The following PLEC variants were observed in gnomAD, a reference collection of about 807,000 sequenced individuals.
The protein encoded by PLEC is plectin.
PLEC carries 216 observed loss-of-function variants against 392.8 expected under a neutral mutation model. The ratio of observed to expected loss-of-function variants is 0.55; its 90% CI spans 0.49 to 0.62. The LOEUF is 0.62. PLEC is among the 20% of genes least tolerant of loss of function. PLEC has a pLI of 0.00. For missense variants in PLEC, 6,863 were observed against 6,563.4 expected (o/e 1.05, Z -1.58); for synonymous variants, 3,621 against 2,980.6 (o/e 1.21, Z -7.00).
rs782170898 is a variant in PLEC, at chr8:143,922,919, T to G, written c.7010A>C (p.Glu2337Ala). The change falls in exon 31 of 32, where the codon GAG becomes GCG. Residue 2337 changes from glutamate to alanine, a missense_variant. Transcript: ENST00000345136. Reference protein sequence around the residue: ...AEAELLQQQKELAQEQARRLQ... With the variant: ...AEAELLQQQKALAQEQARRLQ... ...CCGCCGCGCCTGCTCCTGCGCAAGC[T>G]CCTTCTGCTGCTGCAGCAGTTCCGC... is the stretch of plus-strand genomic sequence containing the variant. The G allele has an allele frequency of 1.2e-6, 2 of 1,600,748 alleles. No homozygotes were observed. The highest frequency in any genetic ancestry group is 1.7e-6 in the Non-Finnish European group (2 of 1,174,164).
Position 143,934,935 on chromosome 8 carries a change from G to T in PLEC, c.826-6C>A, listed in dbSNP as rs782549163. 6.2e-7 allele frequency: 1 copy of T among 1,610,862 alleles called. No individual in the cohort carries two copies. Among genetic ancestry groups the T allele is most frequent in the Non-Finnish European group, 8.5e-7 (1 of 1,179,534 alleles). ...TGCCAGCGCAGCTGCAGCTCCTGCG[G>T]GCAGGCACGGGCGGCTGTCAGGGGT... On this transcript the variant is annotated splice_polypyrimidine_tract_variant and splice_region_variant and intron_variant, in intron 8 of 31. Coordinates refer to ENST00000345136, the MANE Select transcript of PLEC (RefSeq NM_201384.3).
chr8:143,938,556 G>A (rs1197226330), intron 2 of PLEC, 75 bp downstream of exon 2: 2 of 1,562,758 alleles, frequency 1.3e-6, no homozygotes, highest in Admixed American at 1.7e-5. Flanking sequence ...ACAGCCTTGG[G>A]CGGCAGGGGC....
Position 143,918,745 on chromosome 8 carries a change from C to T in PLEC, c.11076G>A (p.Val3692=), listed in dbSNP as rs781798004. 5 of 1,613,054 alleles carry T rather than the reference C, an allele frequency of 3.1e-6. No homozygotes were observed. Among genetic ancestry groups the T allele is most frequent in the Middle Eastern group, 1.6e-4 (1 of 6,062 alleles). Residue 3692 remains valine (V), a synonymous_variant, in exon 32 of 32, where the codon GTG becomes GTA. Transcript: ENST00000345136. The part of the protein sequence containing the change: ...AWCYLYGTGS[V]AGVYLPGSRQ... ...TGGAACCGGGCAGGTAGACACCAGC[C>T]ACGGAGCCCGTGCCATAGAGGTAGC...
upstream of PLEC, chr8:143,958,615 C>T: frequency 2.2e-6 from 1 of 446,378 alleles, no homozygotes; most frequent in Non-Finnish European, 4.5e-6. The surrounding 1 kb of genome is among the most constrained non-coding windows in gnomAD (Gnocchi z 4.9). Flanking sequence ...TGGACAACAG[C>T]AGCCAGTGCT....
At chr8:143,930,601 C>A (rs1826953085) in intron 19 of PLEC, 65 bp from the exon 20 acceptor site, 2 of 1,527,428 alleles carry the variant, frequency 1.3e-6, no homozygotes, top group African/African-American at 2.7e-5. Flanking sequence ...CCAGGCACCC[C>A]CAGACCCCGG....
rs782625640 is a variant in PLEC, at chr8:143,937,189, G to T, written c.318C>A (p.Ala106=). Residue 106 remains alanine, a synonymous_variant, in exon 4 of 32, where the codon GCC becomes GCA. Coordinates refer to ENST00000345136, the MANE Select transcript of PLEC (RefSeq NM_201384.3). The part of the protein sequence containing the change: ...RFHKLQNVQI[A]LDYLRHRQVK... Reference sequence around the variant, plus strand: ...CCTGGCGGTGCCGGAGGTAGTCCAGGGCAATCTGGACATTCTGCAGCTTGT... The same window carrying T: ...CCTGGCGGTGCCGGAGGTAGTCCAGTGCAATCTGGACATTCTGCAGCTTGT... 3 of 1,612,696 alleles carry T rather than the reference G, an allele frequency of 1.9e-6. No individual in the cohort carries two copies. The highest frequency in any genetic ancestry group is 2.5e-6 in the Non-Finnish European group (3 of 1,179,708).
Position 143,918,667 on chromosome 8 carries a change from C to T in PLEC, c.11154G>A (p.Glu3718=), listed in dbSNP as rs782703631. Residue 3718 remains glutamate (E), a synonymous_variant, in exon 32 of 32, where the codon GAG becomes GAA. Transcript: ENST00000345136. The part of the protein sequence containing the change: ...QALKKGLLSA[E]VARLLLEAQA... Reference sequence around the variant, plus strand: ...GTGCCTCCAGCAGCAGGCGGGCCACCTCGGCACTCAGCAGCCCTTTCTTGA... The same window carrying T: ...GTGCCTCCAGCAGCAGGCGGGCCACTTCGGCACTCAGCAGCCCTTTCTTGA... 2.5e-6 allele frequency: 4 copies of T among 1,612,888 alleles called. No homozygotes were observed. In the South Asian group the frequency reaches 3.3e-5, roughly 13 times the overall value.
At chr8:143,971,828 A>G (rs1833446164) in intron 1 of PLEC, among the ~76,000 whole-genome samples, 1 of 145,064 alleles carries the variant, frequency 6.9e-6, no homozygotes, top group Non-Finnish European at 1.5e-5. Flanking sequence ...CACCAAGCCC[A>G]GAAGGCAGAC....
upstream of PLEC, chr8:143,950,897 G>A (rs902940376): frequency 1.3e-5 from 16 of 1,219,334 alleles, no homozygotes; most frequent in Admixed American, 1.7e-4. Context: ...GGCTCGTGGC[G>A]CCTGGCTCCG....
rs1554711258 is a variant in PLEC at position 143,929,551 on chromosome 8, A to T, written c.2944T>A (p.Cys982Ser). ...TTGAGCTCGGAGATGCAGCGCTGGC[A>T]GCGAGACTCTTCCTGTGCACCTGGG... The part of the protein sequence containing the change: ...LEQGAQEESR[C>S]QRCISELKDI... Residue 982 changes from cysteine (C) to serine (S), a missense_variant, in exon 24 of 32, where the codon TGC becomes AGC. Cys to Ser is a moderately radical substitution (Grantham distance 112). Coordinates refer to ENST00000345136, the MANE Select transcript of PLEC (RefSeq NM_201384.3). The T allele has an allele frequency of 6.2e-7, 1 of 1,612,622 alleles. No homozygotes were observed. Among genetic ancestry groups the T allele is most frequent in the Admixed American group, 1.7e-5 (1 of 60,026 alleles).
At chr8:143,940,954 C>T (rs1554728308), upstream of PLEC, among the ~76,000 whole-genome samples, 3 of 152,200 alleles carry the variant, frequency 2.0e-5, no homozygotes, top group African/African-American at 4.8e-5. Flanking sequence ...TCTGCCTGTC[C>T]GGCCCAGCAG....
rs1321499198 is a variant in PLEC, at chr8:143,925,429, C to G, written c.4500G>C (p.Arg1500=). The G allele has an allele frequency of 1.3e-6, 2 of 1,594,922 alleles. No homozygotes were observed. The highest frequency in any genetic ancestry group is 2.7e-5 in the African/African-American group (2 of 74,818). ...RQAQEEAERL[R]RQVQDESQRK... ...GCTGGCTCTCGTCCTGCACCTGCCT[C>G]CGCAAGCGCTCGGCCTCCTCCTGCG... The change falls in exon 31 of 32, where the codon CGG becomes CGC. Residue 1500 remains arginine, a synonymous_variant. Coordinates refer to ENST00000345136, the MANE Select transcript of PLEC (RefSeq NM_201384.3).
rs370135715 is a variant in PLEC at position 143,917,131 on chromosome 8, G to A, written c.12690C>T (p.Thr4230=). 165 of 1,604,410 alleles carry A rather than the reference G, an allele frequency of 1.0e-4. No homozygotes were observed. The highest frequency in any genetic ancestry group is 1.6e-4 in the East Asian group (7 of 44,584). The change falls in exon 32 of 32, where the codon ACC becomes ACT. Residue 4230 remains threonine (T), a synonymous_variant. Coordinates refer to ENST00000345136, the MANE Select transcript of PLEC (RefSeq NM_201384.3). ...TGCCCGAGAGCATGTCGGCGAACTC[G>A]GTGATGGAGAGCGTGCCGGCGCGGT... ...DQYRAGTLSI[T]EFADMLSGNA...
In PLEC at chr8:143,923,849, C is replaced by A. The variant is rs782194846; in HGVS notation, c.6080G>T (p.Arg2027Leu). Residue 2027 changes from arginine to leucine, a missense_variant, in exon 31 of 32, where the codon CGA (arginine) becomes CTA (leucine). Transcript: ENST00000345136. ...CTGCCGCGCCGACTCCTGCTCCGCT[C>A]GCTCCCGCAGGCGCCGCGCCTCCTC... ...KVEEARRLRERAEQESARQLQ... is the reference protein window; with the variant it reads ...KVEEARRLRELAEQESARQLQ... The A allele has an allele frequency of 3.0e-5, 48 of 1,588,972 alleles. No homozygotes were observed. The highest frequency in any genetic ancestry group is 3.8e-5 in the Non-Finnish European group (45 of 1,175,590).
Position 143,924,135 on chromosome 8 carries a change from C to A in PLEC, c.5794G>T (p.Ala1932Ser). ...CCAGCGGCCGCCTTCTCGAAGCTCG[C>A]CTTCAGCGCCAGGATCTCCTCCTCC... ...QVEEEILALK[A>S]SFEKAAAGKA... The change falls in exon 31 of 32, where the codon GCG (alanine) becomes TCG (serine). Residue 1932 changes from alanine to serine, a missense_variant. Transcript: ENST00000345136. The A allele has an allele frequency of 1.3e-6, 2 of 1,598,934 alleles. No homozygotes were observed. Among genetic ancestry groups the A allele is most frequent in the Non-Finnish European group, 1.7e-6 (2 of 1,179,494 alleles).
chr8:143,918,684 C>T lies in PLEC; in HGVS notation c.11137G>A (p.Gly3713Arg), dbSNP rs202037264. Residue 3713 changes from glycine (G) to arginine (R), a missense_variant, in exon 32 of 32, where the codon GGG becomes AGG. Coordinates refer to ENST00000345136, the MANE Select transcript of PLEC (RefSeq NM_201384.3). ...CGGGCCACCTCGGCACTCAGCAGCC[C>T]TTTCTTGAGAGCCTGGTAGATGCTC... ...TLSIYQALKK[G>R]LLSAEVARLL... is the part of the protein sequence containing the mutation. 103 of 1,612,958 alleles carry T rather than the reference C, an allele frequency of 6.4e-5. No homozygotes were observed. The Admixed American group carries it at 9.7e-4, about 15-fold the overall frequency.
rs201221940 is a variant in PLEC, at chr8:143,917,577, C to T, written c.12244G>A (p.Asp4082Asn). ...AAGCCCTTGGTGTCGTCCGAGGGGT[C>T]GGTCAGGATCTCGTTCATCTCCTCA... Reference protein sequence around the residue: ...FDEEMNEILTDPSDDTKGFFD... With the variant: ...FDEEMNEILTNPSDDTKGFFD... Residue 4082 changes from aspartate (D) to asparagine (N), a missense_variant, in exon 32 of 32, where the codon GAC becomes AAC. By Grantham distance (23) the Asp-to-Asn change is conservative. Coordinates refer to ENST00000345136, the MANE Select transcript of PLEC (RefSeq NM_201384.3). The T allele has an allele frequency of 2.4e-5, 38 of 1,613,802 alleles. No individual in the cohort carries two copies. Among genetic ancestry groups the T allele is most frequent in the Middle Eastern group, 1.6e-4 (1 of 6,084 alleles).
chr8:143,929,524 C>T lies in PLEC; in HGVS notation c.2971G>A (p.Asp991Asn). Residue 991 changes from aspartate (D) to asparagine (N), a missense_variant, in exon 24 of 32, where the codon GAC becomes AAC. Coordinates refer to ENST00000345136, the MANE Select transcript of PLEC (RefSeq NM_201384.3). ...RCQRCISELKDIRLQLEACET... is the reference protein window; with the variant it reads ...RCQRCISELKNIRLQLEACET... ...CAGGCCTCCAGCTGCAGCCGGATGTCTTTGAGCTCGGAGATGCAGCGCTGG... is the reference window on the plus strand; with the variant it reads ...CAGGCCTCCAGCTGCAGCCGGATGTTTTTGAGCTCGGAGATGCAGCGCTGG... 1 of 1,612,656 alleles carries T rather than the reference C, an allele frequency of 6.2e-7. No individual in the cohort carries two copies. Among genetic ancestry groups the T allele is most frequent in the African/African-American group, 1.3e-5 (1 of 75,050 alleles).
At chr8:143,973,722 C>T (rs1201324977), upstream of PLEC, among the ~76,000 whole-genome samples, 1 of 151,382 alleles carries the variant, frequency 6.6e-6, no homozygotes, top group East Asian at 2.0e-4. The surrounding 1 kb of genome is among the most constrained non-coding windows in gnomAD (Gnocchi z 5.6). Context: ...CTTTCCCGTT[C>T]TCGCCCGGGT....
Sources: allele counts gnomAD v4.1 joint callset (sites outside exome capture counted in the v4.1 genomes callset), GRCh38; gene constraint gnomAD v4.1.1; non-coding constraint Gnocchi (gnomAD v3.1); transcripts MANE v1.5; gene names NCBI Gene and HGNC (gene_info 2026-07-23, HGNC 2026-07-21).